Variants in SZT2 observed in about 807,000 individuals in gnomAD.
SZT2 encodes KICSTOR complex protein SZT2.
Under a neutral mutation model 404.2 loss-of-function variants are expected in SZT2, and 216 were observed. That is an observed-to-expected ratio of 0.53 (90% CI 0.48 to 0.60). SZT2 has a LOEUF of 0.60. Among genes scored for constraint, SZT2 ranks in the 20% least tolerant of loss-of-function variants. SZT2 has a pLI of 0.00. For synonymous variants in SZT2, 1,693 were observed against 1,749.9 expected (o/e 0.97, Z 0.81); for missense variants, 3,857 against 4,459.2 (o/e 0.86, Z 3.85).
chr1:43,440,521 CCT>C lies in SZT2; in HGVS notation c.7280_7281del (p.Pro2427ArgfsTer16), dbSNP rs2153935570. 2 of 1,608,518 alleles carry C rather than the reference CCT, an allele frequency of 1.2e-6. No homozygotes were observed. Among genetic ancestry groups the C allele is most frequent in the Admixed American group, 1.7e-5 (1 of 59,272 alleles). Reference protein sequence around the residue: ...AGRASTFPPAPVPGEPVTPPS... With the variant: ...AGRASTFPPAXVPGEPVTPPS... ...CCGAGCTAGCACCTTTCCCCCTGCC[CCT>C]GTCCCTGGGGAGCCTGTGACTCCAC... On this transcript the variant is annotated frameshift_variant, in exon 52 of 72. Coordinates refer to ENST00000634258, the MANE Select transcript of SZT2 (RefSeq NM_001365999.1). LOFTEE classifies it high-confidence loss of function.
chr1:43,443,141 A>T, intron 59 of SZT2, 47 bp from the exon 60 acceptor site: 1 of 1,613,636 alleles, frequency 6.2e-7, no homozygotes, highest in Non-Finnish European at 8.5e-7. Context: ...TCTGGGAGGA[A>T]GGGAGTGACA....
intron 40 of SZT2, 87 bp from the exon 41 acceptor site, chr1:43,434,299 T>C: frequency 1.7e-6 from 2 of 1,162,698 alleles, no homozygotes; most frequent in South Asian, 1.4e-5. Context: ...GTGATACGTA[T>C]AACTGCAGTT....
rs762572950 is a variant in SZT2, at chr1:43,447,033, C to T, written c.9151C>T (p.Leu3051=). 9.3e-6 allele frequency: 15 copies of T among 1,613,886 alleles called. No individual in the cohort carries two copies. The South Asian group carries it at 1.4e-4, about 15-fold the overall frequency. The stretch of plus-strand genomic sequence containing the variant: ...GCACTCGTTCAGCTATGACTTCCAT[C>T]TGCGCCTCGTGCATCAGCACGTGCT... The part of the protein sequence containing the change: ...HVHSFSYDFH[L]RLVHQHVLGA... The change falls in exon 66 of 72, where the codon CTG becomes TTG. Residue 3051 remains leucine (L), a synonymous_variant. Transcript: ENST00000634258.
chr1:43,408,290 G>T (rs1210754159), intron 4 of SZT2, among the ~76,000 whole-genome samples: 2 of 149,766 alleles, frequency 1.3e-5, no homozygotes, highest in East Asian at 4.0e-4. Context: ...AAGAGACAGG[G>T]TCTCACTCTG....
At position 43,439,465 on chromosome 1, in the gene SZT2, G is replaced by T. The variant is rs1180675609; in HGVS notation, c.6877+23G>T. 1 of 1,601,682 alleles carries T rather than the reference G, an allele frequency of 6.2e-7. No individual in the cohort carries two copies. On this transcript the variant is annotated intron_variant, in intron 49 of 71. Coordinates refer to ENST00000634258, the MANE Select transcript of SZT2 (RefSeq NM_001365999.1). This position sits in a 1 kb window ranked among gnomAD's most constrained non-coding sequence, Gnocchi z 4.2. ...AAGGTACGGTGCAGGGCACGGGCCT[G>T]TGGCACCACCAGGTGAGGGAAAGCC...
At chr1:43,436,333 C>G (rs1654456842) in intron 42 of SZT2, 1 of 152,182 alleles carries the variant, frequency 6.6e-6, no homozygotes. Context: ...TTAGTGGATT[C>G]CCATGGTTTC....
rs781164275 is a variant in SZT2, at chr1:43,442,151, G to C, written c.7873+21G>C. On this transcript the variant is annotated intron_variant, in intron 56 of 71. Transcript: ENST00000634258. This position sits in a 1 kb window ranked among gnomAD's most constrained non-coding sequence, Gnocchi z 4.5. ...GCAGGGTGAGGGCATGGCCCGGGGG[G>C]GCGGGGGGCGGGTAGGCTAAGAGTA... 1 of 1,538,974 alleles carries C rather than the reference G, an allele frequency of 6.5e-7. No individual in the cohort carries two copies. Among genetic ancestry groups the C allele is most frequent in the Non-Finnish European group, 9.0e-7 (1 of 1,114,334 alleles).
chr1:43,443,616 C>T lies in SZT2; in HGVS notation c.8645C>T (p.Ser2882Leu). Residue 2882 changes from serine to leucine, a missense_variant, in exon 62 of 72, where the codon TCA becomes TTA. Around this residue, in one of 7 missense-constraint regions of SZT2, gnomAD observed 717 missense variants for 868.2 expected, o/e 0.83. Transcript: ENST00000634258. ...TCATAGCGGCGCCATCGCCCTGAGT[C>T]AGGGTCTGGGAGCCGAGAGGCCCCC... ...PDGQRRHRPE[S>L]GSGSREAPTS... 6.2e-7 allele frequency: 1 copy of T among 1,614,170 alleles called. No homozygotes were observed. The highest frequency in any genetic ancestry group is 8.5e-7 in the Non-Finnish European group (1 of 1,180,032).
At chr1:43,406,624 G>T (rs77716094) in intron 4 of SZT2, 3 of 152,342 alleles carry the variant, frequency 2.0e-5, no homozygotes, top group African/African-American at 7.2e-5. Flanking sequence ...ACATAAGTGG[G>T]AGCTGGTTAT....
In SZT2 at chr1:43,419,947, G is replaced by A. The variant is rs942682750; in HGVS notation, c.1090+3G>A. The stretch of plus-strand genomic sequence containing the variant: ...ACTGAACCCTGAATATTACTGCGGT[G>A]AGAGGCACACTGAGGTGGGTGTGGG... On this transcript the variant is annotated splice_donor_region_variant and intron_variant, in intron 8 of 71. Coordinates refer to ENST00000634258, the MANE Select transcript of SZT2 (RefSeq NM_001365999.1). 3 of 1,598,120 alleles carry A rather than the reference G, an allele frequency of 1.9e-6. No individual in the cohort carries two copies. The highest frequency in any genetic ancestry group is 1.6e-4 in the Middle Eastern group (1 of 6,074).
rs1654807970 is a variant in SZT2, at chr1:43,439,300, C to G, written c.6793-58C>G. ...CACATTCCCCACTGTGGGCACCCAT[C>G]CCCGAGGGTTTTGTCCATTTGCTTG... On this transcript the variant is annotated intron_variant, in intron 48 of 71. Coordinates refer to ENST00000634258, the MANE Select transcript of SZT2 (RefSeq NM_001365999.1). The surrounding 1 kb of genome is among the most constrained non-coding windows in gnomAD (Gnocchi z 4.2). 10 of 1,592,664 alleles carry G rather than the reference C, an allele frequency of 6.3e-6. No homozygotes were observed. The South Asian group carries it at 1.1e-4, about 18-fold the overall frequency.
rs983639138 is a variant in SZT2 at position 43,453,298 on chromosome 1, T to C, written c.*2818T>C. 3 of 852,920 alleles carry C rather than the reference T, an allele frequency of 3.5e-6. No homozygotes were observed. The highest frequency in any genetic ancestry group is 2.7e-5 in the Admixed American group (1 of 37,120). The allele number at this position is 852,920 out of a possible 1,614,324, so 52.8% of individuals were successfully genotyped here. On this transcript the variant is annotated 3_prime_UTR_variant, in exon 72 of 72. Transcript: ENST00000634258. ...AGATAAACCAGTGGGCTCAGACTTC[T>C]GAGCGTCTCAGATCTGGCGTCCTCG...
chr1:43,419,307 A>G (rs1201940779), intron 7 of SZT2, among the ~76,000 whole-genome samples: 1 of 152,278 alleles, frequency 6.6e-6, no homozygotes, highest in Non-Finnish European at 1.5e-5. Flanking sequence ...TCCACAGACC[A>G]GCAGAAAGCT....
intron 13 of SZT2, 55 bp downstream of exon 13, chr1:43,422,687 TC>T (rs1570630795): frequency 2.6e-6 from 2 of 768,174 alleles, no homozygotes; most frequent in East Asian, 3.0e-4. Flanking sequence ...CGCCACCTCA[TC>T]CCATGTCTCC....
Position 43,438,714 on chromosome 1 carries a change from A to C in SZT2, c.6524A>C (p.Asp2175Ala). 1 of 1,614,058 alleles carries C rather than the reference A, an allele frequency of 6.2e-7. No homozygotes were observed. The highest frequency in any genetic ancestry group is 8.5e-7 in the Non-Finnish European group (1 of 1,179,964). Residue 2175 changes from aspartate (D) to alanine (A), a missense_variant, in exon 47 of 72, where the codon GAT (aspartate) becomes GCT (alanine). By Grantham distance (126) the Asp-to-Ala change is moderately radical. This residue lies in a region of SZT2 where 261 missense variants were observed against 372.9 expected (regional missense o/e 0.70). Coordinates refer to ENST00000634258, the MANE Select transcript of SZT2 (RefSeq NM_001365999.1). ...GVGQAGPEIT[D>A]ELVRVLCRRL... ...CTGTGTCAAGGTCCTGAGATCACGG[A>C]TGAGCTCGTGCGAGTTCTATGTCGG...
intron 7 of SZT2, among the ~76,000 whole-genome samples, chr1:43,417,718 G>C (rs1367278415): frequency 6.6e-6 from 1 of 152,228 alleles, no homozygotes; most frequent in African/African-American, 2.4e-5. Context: ...GCTATTTGTA[G>C]CAGGTAGCAG....
In SZT2 at chr1:43,424,519, C is replaced by A; in HGVS notation, c.2471+87C>A. ...ACTAGCAAAAAGCCTATAGCACACACTTCTCCTCTCTAATTCCCAGTCTGA... is the reference window on the plus strand; with the variant it reads ...ACTAGCAAAAAGCCTATAGCACACAATTCTCCTCTCTAATTCCCAGTCTGA... On this transcript the variant is annotated intron_variant, in intron 16 of 71. Transcript: ENST00000634258. The surrounding 1 kb of genome is among the most constrained non-coding windows in gnomAD (Gnocchi z 4.1). 1.5e-6 allele frequency: 2 copies of A among 1,319,112 alleles called. No homozygotes were observed. Among genetic ancestry groups the A allele is most frequent in the Non-Finnish European group, 1.1e-6 (1 of 945,834 alleles). 81.7% of individuals were successfully genotyped at this position (1,319,112 alleles called of 1,614,324 possible). A position where few individuals can be genotyped will look rare whatever the true frequency, so the allele number is the denominator to read the frequency against.
At chr1:43,440,306 C>G (rs1570708629) in intron 51 of SZT2, 147 bp from the exon 52 acceptor site, 27 of 1,306,050 alleles carry the variant, frequency 2.1e-5, no homozygotes, top group South Asian at 1.7e-4. Context: ...CAAACACATG[C>G]AGCAGCACAC....
rs764009102 is a variant in SZT2 at position 43,443,421 on chromosome 1, G to A, written c.8569G>A (p.Asp2857Asn). The A allele has an allele frequency of 1.1e-5, 17 of 1,614,022 alleles. No homozygotes were observed. The highest frequency in any genetic ancestry group is 1.7e-5 in the Admixed American group (1 of 60,010). Residue 2857 changes from aspartate to asparagine, a missense_variant, in exon 61 of 72, where the codon GAC (aspartate) becomes AAC (asparagine). Physicochemically the swap from Asp to Asn is conservative, Grantham distance 23. Transcript: ENST00000634258. Reference protein sequence around the residue: ...VHYCATAMLFDPAAWLHGPPE... With the variant: ...VHYCATAMLFNPAAWLHGPPE... Reference sequence around the variant, plus strand: ...TTACTGTGCAACAGCCATGCTCTTCGACCCAGCTGCCTGGCTGCATGGGCC... The same window carrying A: ...TTACTGTGCAACAGCCATGCTCTTCAACCCAGCTGCCTGGCTGCATGGGCC...
Sources: allele counts gnomAD v4.1 joint callset (sites outside exome capture counted in the v4.1 genomes callset), GRCh38; gene constraint gnomAD v4.1.1; regional missense constraint gnomAD v4.1.1; non-coding constraint Gnocchi (gnomAD v3.1); transcripts MANE v1.5; gene names NCBI Gene and HGNC (gene_info 2026-07-23, HGNC 2026-07-21).